Variants in LRRC71 observed in about 807,000 individuals in gnomAD.
LRRC71 encodes leucine-rich repeat-containing protein 71.
A neutral mutation model predicts 66.6 loss-of-function variants in LRRC71; 54 were observed. The observed-to-expected ratio is 0.81, with a 90% CI of 0.65 to 1.02. LRRC71 has a LOEUF of 1.02. Ranked by LOEUF, LRRC71 falls within the 50% of genes least tolerant of loss-of-function variation. The pLI, the probability that LRRC71 is intolerant of heterozygous loss-of-function variation, is 0.00. For synonymous variants in LRRC71, 323 were observed against 303.9 expected (o/e 1.06, Z -0.65); for missense variants, 724 against 718.0 (o/e 1.01, Z -0.10).
the LRRC71 span, among the ~76,000 whole-genome samples, chr1:156,938,120 A>G: frequency 6.6e-6 from 1 of 152,052 alleles, no homozygotes; most frequent in Non-Finnish European, 1.5e-5. Flanking sequence ...CAGGTGAAGG[A>G]CACTAGGTCC....
chr1:156,925,433 T>C (rs1653045311), intron 5 of LRRC71, among the ~76,000 whole-genome samples: 1 of 152,096 alleles, frequency 6.6e-6, no homozygotes, highest in Non-Finnish European at 1.5e-5. Context: ...TGCAGGGCAA[T>C]GTGGAGACTG....
In LRRC71 at chr1:156,924,428, T is replaced by C. The variant is rs1211135241; in HGVS notation, c.315T>C (p.Asp105=). The change falls in exon 3 of 15, where the codon GAT becomes GAC. Residue 105 remains aspartate, a synonymous_variant. Coordinates refer to ENST00000337428, the MANE Select transcript of LRRC71 (RefSeq NM_144702.3). ...CTCCTCACCTCTGCCTTCCAGACGA[T>C]CCGCGGCTGTCGGGGTCCTGCAGCC... The part of the protein sequence containing the change: ...ASLSEKATLD[D]PRLSGSCSLN... The C allele has an allele frequency of 6.5e-7, 1 of 1,550,306 alleles. No homozygotes were observed. The highest frequency in any genetic ancestry group is 1.2e-5 in the South Asian group (1 of 84,054).
the LRRC71 span, chr1:156,939,473 A>G: frequency 6.3e-7 from 1 of 1,592,440 alleles, no homozygotes; most frequent in East Asian, 2.2e-5. Flanking sequence ...ATAGGGAAGG[A>G]AGCAGCTGTT....
At chr1:156,921,002 C>A in intron 1 of LRRC71, 39 bp downstream of exon 1, 1 of 1,463,846 alleles carries the variant, frequency 6.8e-7, no homozygotes, top group South Asian at 1.4e-5. Context: ...GGCTTCCAGG[C>A]TGCGTCTTCC....
At chr1:156,932,341 C>T in intron 13 of LRRC71, 83 bp from the exon 14 acceptor site, 1 of 1,143,226 alleles carries the variant, frequency 8.7e-7, no homozygotes. Flanking sequence ...GCTGGAGGAA[C>T]TGGGATGCTG....
rs769631994 is a variant in LRRC71, at chr1:156,932,864, C to T, written c.1575C>T (p.Phe525=). 24 of 1,600,196 alleles carry T rather than the reference C, an allele frequency of 1.5e-5. No homozygotes were observed. Among genetic ancestry groups the T allele is most frequent in the East Asian group, 9.1e-5 (4 of 44,082 alleles). The change falls in exon 15 of 15, where the codon TTC becomes TTT. Residue 525 remains phenylalanine, a synonymous_variant. Coordinates refer to ENST00000337428, the MANE Select transcript of LRRC71 (RefSeq NM_144702.3). ...CCTTTTCTTTTCAGAAAAATTGCTT[C>T]GCCCCACAATGTCCTGCGTACGCCA... The part of the protein sequence containing the change: ...LLWLSLAKNC[F]APQCPAYAII...
chr1:156,929,395 C>G lies in LRRC71; in HGVS notation c.1112C>G (p.Pro371Arg). The change falls in exon 10 of 15, where the codon CCT becomes CGT. Residue 371 changes from proline to arginine, a missense_variant. By Grantham distance (103) the Pro-to-Arg change is moderately radical. Coordinates refer to ENST00000337428, the MANE Select transcript of LRRC71 (RefSeq NM_144702.3). ...KTDKTQTMKT[P>R]KGLGKKKEKS... ...GACAAGACGCAGACAATGAAAACCC[C>G]TAAGGGCCTGGGCAAGAAAAAGGAG... 1 of 1,613,890 alleles carries G rather than the reference C, an allele frequency of 6.2e-7. No homozygotes were observed. The highest frequency in any genetic ancestry group is 1.1e-5 in the South Asian group (1 of 91,040).
intron 10 of LRRC71, 28 bp downstream of exon 10, chr1:156,929,457 G>C (rs760917518): frequency 1.8e-5 from 29 of 1,613,490 alleles, no homozygotes; most frequent in Non-Finnish European, 2.4e-5. Context: ...CAGATCCTGG[G>C]TGCTGGACGG....
At chr1:156,937,381 A>C (rs771239679), downstream of LRRC71, 1 of 1,608,268 alleles carries the variant, frequency 6.2e-7, no homozygotes, top group Non-Finnish European at 8.5e-7. Flanking sequence ...GCTGAGGCTG[A>C]GGCTCTGTCT....
At chr1:156,929,222 C>A in intron 9 of LRRC71, 58 bp from the exon 10 acceptor site, 1 of 1,546,386 alleles carries the variant, frequency 6.5e-7, no homozygotes. Context: ...CCTTTCATGC[C>A]CCCATTGAGG....
intron 9 of LRRC71, 124 bp from the exon 10 acceptor site, chr1:156,929,156 G>A: frequency 8.9e-7 from 1 of 1,121,400 alleles, no homozygotes; most frequent in Non-Finnish European, 1.2e-6. Context: ...TTTAGGCAGG[G>A]AGGTGGGTGG....
At chr1:156,937,335 G>A (rs531379693), downstream of LRRC71, 35 of 1,613,690 alleles carry the variant, frequency 2.2e-5, no homozygotes, top group East Asian at 2.0e-4. Flanking sequence ...GGAGGAGAGC[G>A]GCTGGGGCGT....
At chr1:156,936,495 AAAATATAT>A (rs1344518053), downstream of LRRC71, among the ~76,000 whole-genome samples, 39 of 57,102 alleles carry the variant, frequency 6.8e-4, no homozygotes, top group African/African-American at 3.0e-3. Flanking sequence ...AAAAAAAAAA[AAAATATAT>A]ATATATATAT....
chr1:156,932,749 C>T (rs1654572799), intron 14 of LRRC71, 104 bp from the exon 15 acceptor site: 2 of 1,464,976 alleles, frequency 1.4e-6, no homozygotes, highest in South Asian at 1.2e-5. Context: ...TTCTGCATGT[C>T]CCCCAGCCCC....
chr1:156,925,643 G>T (rs1402206443), intron 5 of LRRC71, among the ~76,000 whole-genome samples: 1 of 152,242 alleles, frequency 6.6e-6, no homozygotes, highest in African/African-American at 2.4e-5. Flanking sequence ...ATGGGGCAGG[G>T]TAACTACAGG....
chr1:156,927,705 G>T (rs756665951), intron 7 of LRRC71, 28 bp from the exon 8 acceptor site: 6 of 1,606,012 alleles, frequency 3.7e-6, no homozygotes, highest in South Asian at 1.1e-5. Context: ...CGGCTTGGGC[G>T]GCTCACGCGT....
intron 11 of LRRC71, 145 bp downstream of exon 11, chr1:156,929,874 A>T: frequency 1.5e-6 from 1 of 678,976 alleles, no homozygotes; most frequent in Non-Finnish European, 2.5e-6. Flanking sequence ...TCCTTCTCAC[A>T]GTGGGATGAT....
At chr1:156,937,455 A>T (rs138935998), downstream of LRRC71, 6 of 1,546,976 alleles carry the variant, frequency 3.9e-6, no homozygotes, top group East Asian at 1.1e-4. Context: ...TCGGTGCTTG[A>T]GTCCGGGGGT....
chr1:156,933,973 G>A (rs1654699801), downstream of LRRC71, among the ~76,000 whole-genome samples: 1 of 152,144 alleles, frequency 6.6e-6, no homozygotes, highest in Admixed American at 6.5e-5. Flanking sequence ...TGAGTGCCTG[G>A]AGCCCTCCTA....
Sources: allele counts gnomAD v4.1 joint callset (sites outside exome capture counted in the v4.1 genomes callset), GRCh38; gene constraint gnomAD v4.1.1; transcripts MANE v1.5; gene names NCBI Gene and HGNC (gene_info 2026-07-23, HGNC 2026-07-21).